The following SLC25A13 variants were observed in gnomAD, a reference collection of about 807,000 sequenced individuals.
SLC25A13 encodes electrogenic aspartate/glutamate antiporter SLC25A13, mitochondrial.
A neutral mutation model predicts 85.5 loss-of-function variants in SLC25A13; 70 were observed. The observed-to-expected ratio is 0.82, with a 90% CI of 0.68 to 1.00. The LOEUF (loss-of-function observed/expected upper bound fraction) is 1.00, where lower values mean the gene tolerates loss of function less well. Among genes scored for constraint, SLC25A13 ranks in the 50% least tolerant of loss-of-function variants. The pLI, the probability that SLC25A13 is intolerant of heterozygous loss-of-function variation, is 0.00. For synonymous variants in SLC25A13, 259 were observed against 288.7 expected (o/e 0.90, Z 1.04); for missense variants, 765 against 819.8 (o/e 0.93, Z 0.82).
At chr7:96,204,328 G>A (rs1028788208) in intron 5 of SLC25A13, among the ~76,000 whole-genome samples, 2 of 152,152 alleles carry the variant, frequency 1.3e-5, no homozygotes, top group African/African-American at 4.8e-5. Context: ...AAAAGTTTTA[G>A]AAACCTTTCA....
chr7:96,150,635 A>G (rs753113433), intron 13 of SLC25A13, among the ~76,000 whole-genome samples: 10 of 152,150 alleles, frequency 6.6e-5, no homozygotes, highest in Non-Finnish European at 1.3e-4. Flanking sequence ...CTGGTTTGTT[A>G]CAAGAAGAGA....
intron 2 of SLC25A13, among the ~76,000 whole-genome samples, chr7:96,279,445 A>G (rs989598924): frequency 2.6e-5 from 4 of 152,196 alleles, no homozygotes; most frequent in African/African-American, 9.7e-5. Context: ...AGGCCTCACA[A>G]TCATGGTGGA....
At chr7:96,270,245 T>C (rs530891925) in intron 3 of SLC25A13, among the ~76,000 whole-genome samples, 10 of 152,112 alleles carry the variant, frequency 6.6e-5, no homozygotes, top group Non-Finnish European at 1.2e-4. Context: ...ATATTCAACT[T>C]TTGTCAATTA....
At chr7:96,241,030 AAAGAAAGGAAAGAAAG>A (rs1796960744) in intron 3 of SLC25A13, among the ~76,000 whole-genome samples, 1 of 97,106 alleles carries the variant, frequency 1.0e-5, no homozygotes, top group Non-Finnish European at 2.1e-5. Context: ...AAAAGAAAAG[AAAGAAAGGAAAGAAAG>A]AAAGAAAGAA....
At chr7:96,193,888 TA>T (rs986781466) in intron 5 of SLC25A13, among the ~76,000 whole-genome samples, 55 of 152,078 alleles carry the variant, frequency 3.6e-4, no homozygotes, top group African/African-American at 1.3e-3. Context: ...TCAGGGGAGG[TA>T]AACCTGTCAT....
intron 1 of SLC25A13, among the ~76,000 whole-genome samples, chr7:96,300,690 C>A (rs1272113306): frequency 2.6e-5 from 4 of 152,264 alleles, no homozygotes; most frequent in South Asian, 4.1e-4. Context: ...TACCCCCAAC[C>A]CAGAGTTCCA....
intron 13 of SLC25A13, among the ~76,000 whole-genome samples, chr7:96,166,091 C>A (rs1793729357): frequency 6.6e-6 from 1 of 152,124 alleles, no homozygotes; most frequent in Non-Finnish European, 1.5e-5. Flanking sequence ...CCATGTTTTC[C>A]CAACAGTGTT....
chr7:96,274,543 T>C (rs1332317950), intron 3 of SLC25A13, among the ~76,000 whole-genome samples: 1 of 152,234 alleles, frequency 6.6e-6, no homozygotes, highest in Non-Finnish European at 1.5e-5. Flanking sequence ...TTGGCTTTTG[T>C]TGCCATTGCT....
chr7:96,183,443 A>G (rs1034096353), intron 11 of SLC25A13, among the ~76,000 whole-genome samples: 5 of 152,180 alleles, frequency 3.3e-5, no homozygotes, highest in African/African-American at 1.2e-4. Flanking sequence ...AGAGAGCATT[A>G]GTAGGGGAGA....
intron 4 of SLC25A13, among the ~76,000 whole-genome samples, chr7:96,232,621 A>T (rs1011634918): frequency 1.6e-4 from 24 of 147,592 alleles, no homozygotes; most frequent in East Asian, 8.1e-4. Context: ...AAAAAATTTT[A>T]AAAAAAAGGG....
At chr7:96,202,225 T>C (rs1257202223) in intron 5 of SLC25A13, among the ~76,000 whole-genome samples, 4 of 152,192 alleles carry the variant, frequency 2.6e-5, no homozygotes, top group African/African-American at 7.2e-5. Context: ...CTTACTAATA[T>C]GAATGACCAG....
intron 3 of SLC25A13, among the ~76,000 whole-genome samples, chr7:96,235,649 AAGGAGTGTAC>A (rs1796717475): frequency 1.3e-5 from 2 of 152,208 alleles, no homozygotes; most frequent in Admixed American, 1.3e-4. Flanking sequence ...CAAGAAAGCT[AAGGAGTGTAC>A]AGGGAAACTG....
intron 13 of SLC25A13, among the ~76,000 whole-genome samples, chr7:96,163,493 A>C (rs1396915808): frequency 2.0e-5 from 3 of 152,218 alleles, no homozygotes; most frequent in African/African-American, 7.2e-5. Flanking sequence ...AATCCATAGA[A>C]CCACAAGAGA....
At chr7:96,169,498 T>C (rs1308582750) in intron 13 of SLC25A13, among the ~76,000 whole-genome samples, 1 of 152,176 alleles carries the variant, frequency 6.6e-6, no homozygotes, top group African/African-American at 2.4e-5. Context: ...CAGAACAAGA[T>C]GCAAGTTGTT....
chr7:96,268,630 CAA>C (rs371796147), intron 3 of SLC25A13, among the ~76,000 whole-genome samples: 22 of 152,198 alleles, frequency 1.4e-4, no homozygotes, highest in African/African-American at 4.3e-4. Context: ...CTAAACACAA[CAA>C]AGAGTATTAA....
intron 3 of SLC25A13, among the ~76,000 whole-genome samples, chr7:96,238,320 G>T (rs1056222504): frequency 6.6e-6 from 1 of 151,932 alleles, no homozygotes; most frequent in African/African-American, 2.4e-5. Context: ...CTCCCTTACA[G>T]CCCTCAGAAG....
intron 1 of SLC25A13, among the ~76,000 whole-genome samples, chr7:96,309,073 T>C (rs574158008): frequency 1.3e-5 from 2 of 152,322 alleles, no homozygotes; most frequent in East Asian, 3.9e-4. Context: ...TGCAATAAAA[T>C]GAGTGTGTGA....
chr7:96,278,896 T>A (rs936300698), intron 2 of SLC25A13, among the ~76,000 whole-genome samples: 4 of 152,198 alleles, frequency 2.6e-5, no homozygotes, highest in African/African-American at 9.6e-5. Context: ...ATTACAGCAA[T>A]CTTATGACTT....
chr7:96,223,882 T>C (rs10224478), intron 4 of SLC25A13, among the ~76,000 whole-genome samples: 149,587 of 151,822 alleles, frequency 0.99, 73,731 homozygotes, highest in East Asian at 1. Flanking sequence ...TTAAGAAATA[T>C]CAGTAAGTAG....
Sources: gnomAD v4.1 joint callset for allele counts (sites outside exome capture counted in the v4.1 genomes callset) on GRCh38, gnomAD v4.1.1 for gene constraint, MANE v1.5 for transcripts, NCBI Gene and HGNC (gene_info 2026-07-23, HGNC 2026-07-21) for gene names.